The following PRRG3 variants were observed in gnomAD, a reference collection of about 807,000 sequenced individuals.
PRRG3 encodes proline rich and Gla domain 3, also known as transmembrane gamma-carboxyglutamic acid protein 3.
A neutral mutation model predicts 15.8 loss-of-function variants in PRRG3; 21 were observed. The ratio of observed to expected loss-of-function variants is 1.33; its 90% CI spans 0.94 to 1.92. PRRG3 has a LOEUF of 1.92. Ranked by LOEUF, PRRG3 falls within the 40% of genes most tolerant of loss-of-function variation. The pLI is 0.00. For synonymous variants in PRRG3, 125 were observed against 84.1 expected (o/e 1.49, Z -2.66); for missense variants, 251 against 200.2 (o/e 1.25, Z -1.53).
Position 151,701,210 on chromosome X carries a change from G to T in PRRG3, c.*177G>T. On this transcript the variant is annotated 3_prime_UTR_variant, in exon 4 of 4. Coordinates refer to ENST00000674457, the MANE Select transcript of PRRG3 (RefSeq NM_001372163.1). ...TCAGAGACAGGTGGGGAGGGTGGGGGTAGGGACCACGCATGAGTCGAAGCC... is the reference window on the plus strand; with the variant it reads ...TCAGAGACAGGTGGGGAGGGTGGGGTTAGGGACCACGCATGAGTCGAAGCC... The T allele has an allele frequency of 8.3e-5, 31 of 375,671 alleles. No individual in the cohort carries two copies. The highest frequency in any genetic ancestry group is 1.1e-4 in the Non-Finnish European group (26 of 236,919). The allele number at this position is 375,671 out of a possible 1,213,427, so 31.0% of individuals were successfully genotyped here.
rs2014902174 is a variant in PRRG3, at chrX:151,702,465, C to T, written c.*1432C>T. ...ACCCCAGTGAGGCCACCAGCTTGGA[C>T]CACTCCACCCTGTGGCTGGGGTTTT... On this transcript the variant is annotated 3_prime_UTR_variant, in exon 4 of 4. Coordinates refer to ENST00000674457, the MANE Select transcript of PRRG3 (RefSeq NM_001372163.1). 8.9e-6 allele frequency: 1 copy of T among 112,093 alleles called. No individual in the cohort carries two copies. The highest frequency in any genetic ancestry group is 2.8e-4 in the East Asian group (1 of 3,534). 9.2% of individuals were successfully genotyped at this position (112,093 alleles called of 1,213,427 possible).
At chrX:151,699,264 G>T (rs890130823) in intron 2 of PRRG3, among the ~76,000 whole-genome samples, 1 of 112,634 alleles carries the variant, frequency 8.9e-6, no homozygotes, top group Non-Finnish European at 1.9e-5. Context: ...CCTGTTTGTA[G>T]CTGGGTGTCT....
chrX:151,700,402 G>A (rs2014847730), intron 3 of PRRG3, 104 bp from the exon 4 acceptor site: 2 of 1,130,245 alleles, frequency 1.8e-6, no homozygotes, highest in African/African-American at 3.7e-5. Flanking sequence ...GTAACTCTGT[G>A]AGACAAGTCA....
chrX:151,694,645 C>G (rs2014723195), upstream of PRRG3, among the ~76,000 whole-genome samples: 1 of 112,186 alleles, frequency 8.9e-6, no homozygotes, highest in Non-Finnish European at 1.9e-5. Flanking sequence ...GGTCCTTCTT[C>G]TGAGGGCCCT....
At chrX:151,697,174 CTCTT>C (rs1231031252) in intron 1 of PRRG3, among the ~76,000 whole-genome samples, 4 of 98,563 alleles carry the variant, frequency 4.1e-5, no homozygotes, top group Non-Finnish European at 8.1e-5. Flanking sequence ...CTCTCTTTCT[CTCTT>C]TCTTTCTTTC....
rs2014921550 is a variant in PRRG3 at position 151,703,589 on chromosome X, G to T, written c.*2556G>T. On this transcript the variant is annotated 3_prime_UTR_variant, in exon 4 of 4. Coordinates refer to ENST00000674457, the MANE Select transcript of PRRG3 (RefSeq NM_001372163.1). ...AGGGATCCGGTCTGAAAAGAGGAAT[G>T]TCACCTCCCCTCGCAGGGCTGAGTA... 9.0e-6 allele frequency: 1 copy of T among 110,730 alleles called. No individual in the cohort carries two copies. Among genetic ancestry groups the T allele is most frequent in the African/African-American group, 3.3e-5 (1 of 30,341 alleles). 9.1% of individuals were successfully genotyped at this position (110,730 alleles called of 1,213,427 possible). A position where few individuals can be genotyped will look rare whatever the true frequency, so the allele number is the denominator to read the frequency against.
rs73241803 is a variant in PRRG3, at chrX:151,702,865, C to G, written c.*1832C>G. On this transcript the variant is annotated 3_prime_UTR_variant, in exon 4 of 4. Coordinates refer to ENST00000674457, the MANE Select transcript of PRRG3 (RefSeq NM_001372163.1). ...GGGTTTTTGGCTTAAGAGGCCCCTG[C>G]TTTTTCCATGTTGGGGGACCTGGGG... The G allele has an allele frequency of 0.024, 2,730 of 112,493 alleles. 36 individuals are homozygous for G. Among genetic ancestry groups the G allele is most frequent in the Non-Finnish European group, 0.037 (1,980 of 53,242 alleles). The allele number at this position is 112,493 out of a possible 1,213,427, so 9.3% of individuals were successfully genotyped here.
At chrX:151,699,459 T>C (rs1433614675) in intron 2 of PRRG3, among the ~76,000 whole-genome samples, 1 of 112,324 alleles carries the variant, frequency 8.9e-6, no homozygotes, top group Non-Finnish European at 1.9e-5. Flanking sequence ...TTAGACTTTC[T>C]TGAACAAGAC....
At chrX:151,698,210 C>T (rs892747842) in intron 1 of PRRG3, 1 of 112,119 alleles carries the variant, frequency 8.9e-6, no homozygotes, top group Non-Finnish European at 1.9e-5. Flanking sequence ...CCCAGCAGGG[C>T]AGTGACTTTT....
rs1395284576 is a variant in PRRG3, at chrX:151,701,791, T to C, written c.*758T>C. ...GGCCCACGTGGACTCTGCCATTCAG[T>C]TTCTAGTGTGCTTGTCTCTCCAGAC... On this transcript the variant is annotated 3_prime_UTR_variant, in exon 4 of 4. Transcript: ENST00000674457. 1 of 111,907 alleles carries C rather than the reference T, an allele frequency of 8.9e-6. No homozygotes were observed. The highest frequency in any genetic ancestry group is 9.4e-5 in the Admixed American group (1 of 10,636). 9.2% of individuals were successfully genotyped at this position (111,907 alleles called of 1,213,427 possible). A position where few individuals can be genotyped will look rare whatever the true frequency, so the allele number is the denominator to read the frequency against.
upstream of PRRG3, among the ~76,000 whole-genome samples, chrX:151,694,874 C>T (rs2014728410): frequency 1.8e-5 from 2 of 111,651 alleles, no homozygotes; most frequent in Admixed American, 9.3e-5. Context: ...TGGGTCACGA[C>T]TGGACCAGGG....
intron 1 of PRRG3, among the ~76,000 whole-genome samples, chrX:151,696,172 G>C (rs2014757790): frequency 8.9e-6 from 1 of 111,822 alleles, no homozygotes. Flanking sequence ...TATCCACCAG[G>C]GGCATGGGGG....
chrX:151,698,835 G>C lies in PRRG3; in HGVS notation c.7+14G>C. The C allele has an allele frequency of 8.3e-7, 1 of 1,198,743 alleles. No individual in the cohort carries two copies. Among genetic ancestry groups the C allele is most frequent in the Non-Finnish European group, 1.1e-6 (1 of 886,227 alleles). ...GCATCATGGCAGGTGAGTTTTTCCA[G>C]GCCTGGGCAGAGCCGTGGAGGGCCA... On this transcript the variant is annotated intron_variant, in intron 2 of 3. Transcript: ENST00000674457.
intron 1 of PRRG3, among the ~76,000 whole-genome samples, chrX:151,696,188 T>C (rs1410070436): frequency 8.9e-6 from 1 of 111,800 alleles, no homozygotes; most frequent in Non-Finnish European, 1.9e-5. Context: ...GGGGGACATA[T>C]ACATGTGTGG....
chrX:151,694,906 G>A (rs776481090), upstream of PRRG3, among the ~76,000 whole-genome samples: 3 of 110,864 alleles, frequency 2.7e-5, no homozygotes, highest in East Asian at 8.7e-4. Context: ...GGTCCTCTGT[G>A]TGCCCCAGGC....
At chrX:151,694,795 T>A (rs2014726881), upstream of PRRG3, among the ~76,000 whole-genome samples, 1 of 111,694 alleles carries the variant, frequency 9.0e-6, no homozygotes, top group South Asian at 3.7e-4. Flanking sequence ...CAGGGACGCC[T>A]GGCGCGCGGG....
At position 151,703,176 on chromosome X, in the gene PRRG3, C is replaced by A. The variant is rs1350288080; in HGVS notation, c.*2143C>A. ...TGTCCTTCAGGGGCTGAGGACAGGC[C>A]GTGGGAAGAGTCACAGGAGGTTGCT... On this transcript the variant is annotated 3_prime_UTR_variant, in exon 4 of 4. Transcript: ENST00000674457. 1 of 111,956 alleles carries A rather than the reference C, an allele frequency of 8.9e-6. No homozygotes were observed. Among genetic ancestry groups the A allele is most frequent in the African/African-American group, 3.3e-5 (1 of 30,714 alleles). The allele number at this position is 111,956 out of a possible 1,213,427, so 9.2% of individuals were successfully genotyped here.
Position 151,700,728 on chromosome X carries a change from C to G in PRRG3, c.391C>G (p.Arg131Gly). 1 of 1,209,937 alleles carries G rather than the reference C, an allele frequency of 8.3e-7. No individual in the cohort carries two copies. Among genetic ancestry groups the G allele is most frequent in the Non-Finnish European group, 1.1e-6 (1 of 894,265 alleles). ...LASRAGHTLP[R>G]VMVYRGTVHS... ...CAGTCGCGCCGGGCACACCCTCCCC[C>G]GGGTCATGGTGTACCGGGGTACTGT... Residue 131 changes from arginine to glycine, a missense_variant, in exon 4 of 4, where the codon CGG becomes GGG. By Grantham distance (125) the Arg-to-Gly change is moderately radical. Transcript: ENST00000674457.
Position 151,698,810 on chromosome X carries a change from G to A in PRRG3, c.-5G>A, listed in dbSNP as rs777939893. The A allele has an allele frequency of 1.7e-6, 2 of 1,203,689 alleles. No homozygotes were observed. Among genetic ancestry groups the A allele is most frequent in the South Asian group, 1.8e-5 (1 of 55,669 alleles). Reference sequence around the variant, plus strand: ...GAAGTGAGACCCTGCAGCTGAGGGAGCATCATGGCAGGTGAGTTTTTCCAG... The same window carrying A: ...GAAGTGAGACCCTGCAGCTGAGGGAACATCATGGCAGGTGAGTTTTTCCAG... On this transcript the variant is annotated 5_prime_UTR_variant, in exon 2 of 4. Transcript: ENST00000674457.
Sources: allele counts gnomAD v4.1 joint callset (sites outside exome capture counted in the v4.1 genomes callset), GRCh38; gene constraint gnomAD v4.1.1; transcripts MANE v1.5; gene names NCBI Gene and HGNC (gene_info 2026-07-23, HGNC 2026-07-21).